CNTNAP5: variants seen among roughly 807,000 people sequenced by gnomAD.
CNTNAP5 encodes contactin associated protein family member 5.
In CNTNAP5, 72 loss-of-function variants were observed where a neutral mutation model predicts 150.2. The ratio of observed to expected loss-of-function variants is 0.48; its 90% CI spans 0.40 to 0.58. The LOEUF (loss-of-function observed/expected upper bound fraction) is 0.58, where lower values mean the gene tolerates loss of function less well. CNTNAP5 is among the 20% of genes least tolerant of loss of function. CNTNAP5 has a pLI of 0.00. For missense variants in CNTNAP5, 1,636 were observed against 1,626.2 expected (o/e 1.01, Z -0.10); for synonymous variants, 672 against 619.8 (o/e 1.08, Z -1.25).
chr2:124,538,550 GAGAAAGAAAGAAA>G (rs1300141630), intron 10 of CNTNAP5, among the ~76,000 whole-genome samples: 1 of 122,058 alleles, frequency 8.2e-6, no homozygotes, highest in African/African-American at 3.1e-5. Context: ...GAAAGAAAGA[GAGAAAGAAAGAAA>G]AGAAAGAAAG....
At chr2:124,063,130 G>C (rs1213942) in intron 1 of CNTNAP5, among the ~76,000 whole-genome samples, 1 of 151,844 alleles carries the variant, frequency 6.6e-6, no homozygotes, top group Non-Finnish European at 1.5e-5. Flanking sequence ...AGTAAAATCT[G>C]TTTTGTTTTT....
At chr2:124,446,379 C>T (rs12999580) in intron 5 of CNTNAP5, among the ~76,000 whole-genome samples, 27,716 of 152,070 alleles carry the variant, frequency 0.18, 3,092 homozygotes, top group East Asian at 0.33. Flanking sequence ...CTCCCAGGCA[C>T]GGCTCCTAAT....
intron 13 of CNTNAP5, among the ~76,000 whole-genome samples, chr2:124,722,846 A>G (rs1444672862): frequency 1.3e-5 from 2 of 152,182 alleles, no homozygotes; most frequent in Non-Finnish European, 2.9e-5. Context: ...GCTTGCAGCT[A>G]GATAGCTCTA....
At chr2:124,037,132 T>C (rs1681244235) in intron 1 of CNTNAP5, among the ~76,000 whole-genome samples, 1 of 152,194 alleles carries the variant, frequency 6.6e-6, no homozygotes, top group Non-Finnish European at 1.5e-5. Context: ...AACCAGTTCC[T>C]GTAGGTTAGC....
intron 10 of CNTNAP5, among the ~76,000 whole-genome samples, chr2:124,536,665 C>G (rs1695238085): frequency 6.6e-6 from 1 of 151,970 alleles, no homozygotes; most frequent in South Asian, 2.1e-4. Flanking sequence ...ACCAAAAGGC[C>G]AGAGAAAGAG....
At chr2:124,359,297 T>C (rs1690127375) in intron 3 of CNTNAP5, among the ~76,000 whole-genome samples, 1 of 151,036 alleles carries the variant, frequency 6.6e-6, no homozygotes, top group African/African-American at 2.4e-5. Context: ...TTTGTGTCTC[T>C]ATTTCCTTCA....
At chr2:124,863,213 C>T (rs1316419956) in intron 19 of CNTNAP5, among the ~76,000 whole-genome samples, 1 of 152,152 alleles carries the variant, frequency 6.6e-6, no homozygotes, top group African/African-American at 2.4e-5. Flanking sequence ...AATTATCACA[C>T]ACTGGTTTAT....
At chr2:124,698,368 G>A (rs938498889) in intron 13 of CNTNAP5, among the ~76,000 whole-genome samples, 5 of 60,286 alleles carry the variant, frequency 8.3e-5, no homozygotes, top group Non-Finnish European at 1.4e-4. Context: ...CCAAGTAGAC[G>A]AGAGGATACA....
At chr2:124,562,899 A>G (rs1695927667) in intron 10 of CNTNAP5, among the ~76,000 whole-genome samples, 1 of 152,228 alleles carries the variant, frequency 6.6e-6, no homozygotes, top group Non-Finnish European at 1.5e-5. Flanking sequence ...TTAGTAAGTG[A>G]AAAACCTTAC....
chr2:124,831,579 T>A (rs1041194289), intron 19 of CNTNAP5, among the ~76,000 whole-genome samples: 1 of 150,620 alleles, frequency 6.6e-6, no homozygotes, highest in African/African-American at 2.4e-5. Flanking sequence ...AAATTCTTAG[T>A]AACCTTAAAT....
At chr2:124,711,930 A>G (rs1391326336) in intron 13 of CNTNAP5, among the ~76,000 whole-genome samples, 2 of 152,166 alleles carry the variant, frequency 1.3e-5, no homozygotes, top group African/African-American at 4.8e-5. Flanking sequence ...TCTATTTTTT[A>G]CTATTTTCCT....
chr2:124,288,284 G>A lies in CNTNAP5; in HGVS notation c.381+45891G>A, dbSNP rs117128162. Among the ~76,000 whole-genome samples the A allele has an allele frequency of 1.5e-3, 234 of 152,272 alleles. 4 individuals are homozygous for A. The East Asian group carries it at 0.034, about 22-fold the overall frequency. On this transcript the variant is annotated intron_variant, in intron 3 of 23. Transcript: ENST00000682447. ...ACTGCTAAAAATTAAGTACCAGATA[G>A]CAAAACTTTTTAGAAGTATTCACCA...
At chr2:124,359,377 G>C (rs945457207) in intron 3 of CNTNAP5, among the ~76,000 whole-genome samples, 2 of 151,708 alleles carry the variant, frequency 1.3e-5, no homozygotes, top group Admixed American at 1.3e-4. Flanking sequence ...TGCTTTTCTC[G>C]TTCTTTTAAT....
At chr2:124,231,093 C>A (rs1412987275) in intron 2 of CNTNAP5, among the ~76,000 whole-genome samples, 1 of 152,126 alleles carries the variant, frequency 6.6e-6, no homozygotes, top group African/African-American at 2.4e-5. Flanking sequence ...GGCTTCTACC[C>A]AGAACTCCTG....
At chr2:124,395,070 A>G (rs1350525925) in intron 3 of CNTNAP5, among the ~76,000 whole-genome samples, 1 of 152,220 alleles carries the variant, frequency 6.6e-6, no homozygotes, top group Non-Finnish European at 1.5e-5. Flanking sequence ...AAACATGCCC[A>G]TTGATAAAGC....
At chr2:124,176,840 TG>T (rs1180881458) in intron 1 of CNTNAP5, among the ~76,000 whole-genome samples, 3 of 131,700 alleles carry the variant, frequency 2.3e-5, no homozygotes, top group Admixed American at 8.8e-5. Flanking sequence ...TTGTTATTGC[TG>T]GTTTTTTTTT....
chr2:124,308,322 T>C lies in CNTNAP5; in HGVS notation c.381+65929T>C, dbSNP rs568922115. ...ACTCTGCTTACAAACCGTTTATCCA[T>C]CCCCTGCCCTGGTTTCTAACATGAT... On this transcript the variant is annotated intron_variant, in intron 3 of 23. Transcript: ENST00000682447. Among the ~76,000 whole-genome samples the C allele has an allele frequency of 5.9e-5, 9 of 152,284 alleles. No individual in the cohort carries two copies. The East Asian group carries it at 1.7e-3, about 29-fold the overall frequency.
chr2:124,795,737 G>A (rs572388116), intron 18 of CNTNAP5, among the ~76,000 whole-genome samples: 86 of 152,212 alleles, frequency 5.7e-4, no homozygotes, highest in African/African-American at 1.9e-3. Context: ...AGGCTGGCCC[G>A]AACTCCTGAC....
chr2:124,507,568 G>T (rs1694442673), intron 8 of CNTNAP5, among the ~76,000 whole-genome samples: 1 of 152,194 alleles, frequency 6.6e-6, no homozygotes, highest in Non-Finnish European at 1.5e-5. Flanking sequence ...TACCAAGGTG[G>T]TCTTAAAATG....
Sources: allele counts gnomAD v4.1 joint callset (sites outside exome capture counted in the v4.1 genomes callset), GRCh38; gene constraint gnomAD v4.1.1; transcripts MANE v1.5; gene names NCBI Gene and HGNC (gene_info 2026-07-23, HGNC 2026-07-21).